Variants in STX7 observed in about 807,000 individuals in gnomAD.
STX7 encodes the protein syntaxin 7.
Under a neutral mutation model 39.6 loss-of-function variants are expected in STX7, and 34 were observed. The ratio of observed to expected loss-of-function variants is 0.86; its 90% CI spans 0.65 to 1.14. The LOEUF (loss-of-function observed/expected upper bound fraction) is 1.14. Among genes scored for constraint, STX7 ranks in the 50% most tolerant of loss-of-function variants. The pLI is 0.00. For synonymous variants in STX7, 119 were observed against 99.1 expected (o/e 1.20, Z -1.19); for missense variants, 284 against 310.4 (o/e 0.92, Z 0.64).
In STX7 at chr6:132,513,019, G is replaced by A. The variant is rs1775893390; in HGVS notation, c.-71C>T. ...AGGGTCCTCTTACCTGGACCTCCAC[G>A]GCTCCCTCCTACACCTCCGACCGCC... On this transcript the variant is annotated 5_prime_UTR_variant, in exon 1 of 10. Transcript: ENST00000367941. 6.6e-6 allele frequency: 1 copy of A among 152,242 alleles called. No individual in the cohort carries two copies. Among genetic ancestry groups the A allele is most frequent in the Non-Finnish European group, 1.5e-5 (1 of 68,048 alleles). 9.4% of individuals were successfully genotyped at this position (152,242 alleles called of 1,614,324 possible).
At chr6:132,461,766 T>C in intron 9 of STX7, 9 of 1,433,778 alleles carry the variant, frequency 6.3e-6, no homozygotes, top group Non-Finnish European at 8.4e-6. Flanking sequence ...GAAAACCGAA[T>C]GGTTAAGAAT....
intron 9 of STX7, among the ~76,000 whole-genome samples, chr6:132,463,253 A>T (rs771788379): frequency 1.3e-5 from 2 of 152,180 alleles, no homozygotes; most frequent in Non-Finnish European, 2.9e-5. Flanking sequence ...TATGAATGAT[A>T]GCAACAAAGG....
In STX7 at chr6:132,472,223, C is replaced by T. The variant is rs568606562; in HGVS notation, c.249+59G>A. On this transcript the variant is annotated intron_variant, in intron 4 of 9. Coordinates refer to ENST00000367941, the MANE Select transcript of STX7 (RefSeq NM_003569.3). The stretch of plus-strand genomic sequence containing the variant: ...CTAGCGTAACAGTTCAAAGATCCTA[C>T]AGTGCACTGGGTTTTTTTCACATTC... 2.6e-5 allele frequency: 34 copies of T among 1,295,588 alleles called. No homozygotes were observed. The East Asian group carries it at 7.5e-4, about 29-fold the overall frequency. The allele number at this position is 1,295,588 out of a possible 1,614,324, so 80.3% of individuals were successfully genotyped here.
chr6:132,505,069 C>A (rs1331573619), intron 1 of STX7, among the ~76,000 whole-genome samples: 1 of 152,062 alleles, frequency 6.6e-6, no homozygotes, highest in African/African-American at 2.4e-5. Context: ...CGCACATCTG[C>A]GACACAAAAA....
rs1774346659 is a variant in STX7 at position 132,459,931 on chromosome 6, C to T, written c.*827G>A. Reference sequence around the variant, plus strand: ...GAAGGTAAATAATGGCCCACAAAACCAGATGATATGGTTAAGATAACTAGT... The same window carrying T: ...GAAGGTAAATAATGGCCCACAAAACTAGATGATATGGTTAAGATAACTAGT... On this transcript the variant is annotated 3_prime_UTR_variant, in exon 10 of 10. Coordinates refer to ENST00000367941, the MANE Select transcript of STX7 (RefSeq NM_003569.3). 1 of 152,120 alleles carries T rather than the reference C, an allele frequency of 6.6e-6. No individual in the cohort carries two copies. Among genetic ancestry groups the T allele is most frequent in the Non-Finnish European group, 1.5e-5 (1 of 68,018 alleles). The allele number at this position is 152,120 out of a possible 1,614,324, so 9.4% of individuals were successfully genotyped here.
Position 132,451,455 on chromosome 6 carries a change from T to C in STX7, c.*9303A>G, listed in dbSNP as rs1774134702. On this transcript the variant is annotated 3_prime_UTR_variant, in exon 10 of 10. Coordinates refer to ENST00000367941, the MANE Select transcript of STX7 (RefSeq NM_003569.3). ...AAAGAACTATAAACCTACAAGTCTA[T>C]GTCTAATGTAAATATTCTTCAGATA... is the stretch of plus-strand genomic sequence containing the variant. The C allele has an allele frequency of 6.6e-6, 1 of 152,134 alleles. No homozygotes were observed. Among genetic ancestry groups the C allele is most frequent in the African/African-American group, 2.4e-5 (1 of 41,424 alleles). 9.4% of individuals were successfully genotyped at this position (152,134 alleles called of 1,614,324 possible). A position where few individuals can be genotyped will look rare whatever the true frequency, so the allele number is the denominator to read the frequency against.
At chr6:132,471,320 A>G in intron 5 of STX7, 143 bp downstream of exon 5, 2 of 966,034 alleles carry the variant, frequency 2.1e-6, no homozygotes, top group Non-Finnish European at 1.5e-6. Flanking sequence ...TGGAGCAGGA[A>G]AGCATAAAAA....
intron 2 of STX7, among the ~76,000 whole-genome samples, chr6:132,486,512 GCT>G (rs1163284918): frequency 6.6e-6 from 1 of 152,042 alleles, no homozygotes; most frequent in Non-Finnish European, 1.5e-5. Context: ...AATATTTATT[GCT>G]CTTTCAGTAT....
At chr6:132,490,086 T>C (rs527280227) in intron 2 of STX7, among the ~76,000 whole-genome samples, 112 of 152,322 alleles carry the variant, frequency 7.4e-4, no homozygotes, top group Admixed American at 1.2e-3. Context: ...TAGTCTGGAA[T>C]CAGAAGCAAC....
intron 2 of STX7, among the ~76,000 whole-genome samples, chr6:132,487,203 T>C (rs955086384): frequency 6.6e-6 from 1 of 152,206 alleles, no homozygotes; most frequent in Non-Finnish European, 1.5e-5. Flanking sequence ...GAGTGAACTT[T>C]GATAATTTGT....
At chr6:132,481,287 T>TA (rs2114410416) in intron 2 of STX7, among the ~76,000 whole-genome samples, 1 of 152,302 alleles carries the variant, frequency 6.6e-6, no homozygotes, top group South Asian at 2.1e-4. Context: ...TTTTTGGTTA[T>TA]AATATGACCA....
chr6:132,465,347 T>G (rs200294023), intron 8 of STX7, among the ~76,000 whole-genome samples: 1 of 143,526 alleles, frequency 7.0e-6, no homozygotes, highest in Non-Finnish European at 1.6e-5. Flanking sequence ...TCAACTTTCA[T>G]TGATCCTACC....
intron 4 of STX7, 45 bp downstream of exon 4, chr6:132,472,237 T>A (rs763840022): frequency 1.3e-5 from 20 of 1,503,068 alleles, no homozygotes; most frequent in Non-Finnish European, 1.8e-5. Flanking sequence ...GCACTGGGTT[T>A]TTTTCACATT....
chr6:132,470,569 C>A lies in STX7; in HGVS notation c.440+5G>T. The A allele has an allele frequency of 6.2e-7, 1 of 1,600,528 alleles. No homozygotes were observed. The highest frequency in any genetic ancestry group is 1.1e-5 in the South Asian group (1 of 89,456). ...TTGATCTGTAAAATGTTTTGTATTTCTTACCTTTCCCAGGATACAAGATTC... is the reference window on the plus strand; with the variant it reads ...TTGATCTGTAAAATGTTTTGTATTTATTACCTTTCCCAGGATACAAGATTC... On this transcript the variant is annotated splice_donor_5th_base_variant and intron_variant, in intron 6 of 9. Transcript: ENST00000367941.
In STX7 at chr6:132,462,582, G is replaced by GGTGTGTGTGTGTGTGTGT. The variant is rs71952617; in HGVS notation, c.693+1393_693+1410dup. Among the ~76,000 whole-genome samples, 131 of 144,990 alleles carry GGTGTGTGTGTGTGTGTGT rather than the reference G, an allele frequency of 9.0e-4. 1 individual carries two copies. The highest frequency in any genetic ancestry group is 2.8e-3 in the African/African-American group (108 of 38,756). On this transcript the variant is annotated intron_variant, in intron 9 of 9. Coordinates refer to ENST00000367941, the MANE Select transcript of STX7 (RefSeq NM_003569.3). ...CCAGAAGACTTCTGGCATTTGCAGGGGTGTGTGTGTGTGTGTGTGTGTGTG... is the reference window on the plus strand; with the variant it reads ...CCAGAAGACTTCTGGCATTTGCAGGGGTGTGTGTGTGTGTGTGTGTGTGTGTGTGTGTGTGTGTGTGTG...
chr6:132,497,452 T>A (rs974227117), intron 2 of STX7, among the ~76,000 whole-genome samples: 1 of 152,222 alleles, frequency 6.6e-6, no homozygotes, highest in African/African-American at 2.4e-5. Flanking sequence ...GACTAAGGAA[T>A]GTTCTATTTC....
At chr6:132,461,896 G>A (rs755025751) in intron 9 of STX7, 19 of 1,512,554 alleles carry the variant, frequency 1.3e-5, no homozygotes, top group Non-Finnish European at 1.7e-5. Context: ...TTTACTTTGT[G>A]TCAAGTAGAA....
At chr6:132,503,828 T>C (rs1775637216) in intron 1 of STX7, among the ~76,000 whole-genome samples, 1 of 152,178 alleles carries the variant, frequency 6.6e-6, no homozygotes, top group South Asian at 2.1e-4. Flanking sequence ...ATTGCATATT[T>C]CCTTTGAAAA....
chr6:132,484,989 A>G (rs1266786072), intron 2 of STX7, among the ~76,000 whole-genome samples: 3 of 152,114 alleles, frequency 2.0e-5, no homozygotes, highest in African/African-American at 7.2e-5. Context: ...GAATAATAGG[A>G]ATATTCTTAT....
Sources: allele counts gnomAD v4.1 joint callset (sites outside exome capture counted in the v4.1 genomes callset), GRCh38; gene constraint gnomAD v4.1.1; transcripts MANE v1.5; gene names NCBI Gene and HGNC (gene_info 2026-07-23, HGNC 2026-07-21).